CCZ1: variants seen among roughly 807,000 people sequenced by gnomAD.
CCZ1 encodes the protein vacuolar fusion protein CCZ1 homolog.
Under a neutral mutation model 57.8 loss-of-function variants are expected in CCZ1, and 19 were observed. The observed-to-expected ratio is 0.33, with a 90% CI of 0.23 to 0.48. The LOEUF is 0.48. Among genes scored for constraint, CCZ1 ranks in the 20% least tolerant of loss-of-function variants. The probability of loss-of-function intolerance (pLI) is 0.99; values close to 1 mark genes in which losing one functional copy is unlikely to be tolerated. For missense variants in CCZ1, 200 were observed against 492.0 expected, an observed-to-expected ratio of 0.41 and a Z score of 5.61; for synonymous variants, 81 against 167.0, an observed-to-expected ratio of 0.49 and a Z score of 3.97.
chr7:5,907,204 CACTGT>C, intron 7 of CCZ1, among the ~76,000 whole-genome samples: 1 of 149,760 alleles, frequency 6.7e-6, no homozygotes, highest in African/African-American at 2.5e-5. Context: ...GGCAACCTTA[CACTGT>C]ACTGACTCAG....
At chr7:5,909,708 A>AAG (rs1491036608) in intron 7 of CCZ1, among the ~76,000 whole-genome samples, 1 of 145,018 alleles carries the variant, frequency 6.9e-6, no homozygotes, top group African/African-American at 2.6e-5. Context: ...AAAAAAAAAA[A>AAG]GAAAAAAAAA....
At chr7:5,908,473 G>C (rs1583185247) in intron 7 of CCZ1, among the ~76,000 whole-genome samples, 1 of 148,330 alleles carries the variant, frequency 6.7e-6, no homozygotes, top group East Asian at 2.2e-4. Context: ...GCGCCTCCCA[G>C]GTTCAAGCGA....
chr7:5,903,818 C>T (rs1260860583), intron 6 of CCZ1, among the ~76,000 whole-genome samples: 1 of 146,782 alleles, frequency 6.8e-6, no homozygotes, highest in Non-Finnish European at 1.5e-5. Flanking sequence ...ATGGTGAAAC[C>T]TCATCTCTAC....
rs1375192946 is a variant in CCZ1 at position 5,925,835 on chromosome 7, A to T, written c.*148A>T. On this transcript the variant is annotated 3_prime_UTR_variant, in exon 15 of 15. Coordinates refer to ENST00000325974, the MANE Select transcript of CCZ1 (RefSeq NM_015622.6). ...AATCACATTTCGACTCGGTCTGCTG[A>T]TCTGAGGTTTTTAGATTTTAAATAT... The T allele has an allele frequency of 7.8e-7, 1 of 1,281,102 alleles. No homozygotes were observed. The highest frequency in any genetic ancestry group is 1.9e-5 in the Admixed American group (1 of 51,830). The allele number at this position is 1,281,102 out of a possible 1,614,324, so 79.4% of individuals were successfully genotyped here.
chr7:5,904,474 G>A (rs1182566559), intron 6 of CCZ1, among the ~76,000 whole-genome samples: 2 of 146,044 alleles, frequency 1.4e-5, no homozygotes, highest in African/African-American at 2.6e-5. Flanking sequence ...CGAGAATCAC[G>A]GAGGCCAGAA....
At chr7:5,905,064 A>G (rs1232456552) in intron 6 of CCZ1, 30 bp from the exon 7 acceptor site, 2 of 1,595,656 alleles carry the variant, frequency 1.3e-6, no homozygotes, top group South Asian at 1.1e-5. Context: ...TACTATTAGT[A>G]AATTTTATGC....
Position 5,906,710 on chromosome 7 carries a change from A to G in CCZ1, c.698+1441A>G, listed in dbSNP as rs1355821997. ...TAGAAAAGGCAAAACTAGTTCCCCT[A>G]AAATTTACCTTCCCTGCCAAAATCT... On this transcript the variant is annotated intron_variant, in intron 7 of 14. Transcript: ENST00000325974. 2.0e-5 allele frequency among the ~76,000 whole-genome samples: 3 copies of G among 149,840 alleles called. No homozygotes were observed. The East Asian group carries it at 6.5e-4, about 32-fold the overall frequency.
At position 5,925,647 on chromosome 7, in the gene CCZ1, T is replaced by C. The variant is rs1430220986; in HGVS notation, c.1409T>C (p.Leu470Pro). Residue 470 changes from leucine to proline, a missense_variant, in exon 15 of 15, where the codon CTT (leucine) becomes CCT (proline). Coordinates refer to ENST00000325974, the MANE Select transcript of CCZ1 (RefSeq NM_015622.6). The stretch of plus-strand genomic sequence containing the variant: ...CTTGTTGCAGAAGAGGTCAAGAAAC[T>C]TTGTGCAACGCAGTTCAACAACATC... The part of the protein sequence containing the change: ...LIEVNEEVKK[L>P]CATQFNNIFF... The C allele has an allele frequency of 6.2e-7, 1 of 1,608,872 alleles. No individual in the cohort carries two copies. Among genetic ancestry groups the C allele is most frequent in the Non-Finnish European group, 8.5e-7 (1 of 1,176,636 alleles).
At chr7:5,913,211 TCAAAC>T (rs1178622362) in intron 10 of CCZ1, among the ~76,000 whole-genome samples, 1 of 147,218 alleles carries the variant, frequency 6.8e-6, no homozygotes, top group African/African-American at 2.5e-5. Flanking sequence ...TCACGTGCTC[TCAAAC>T]CAAAGGCTGT....
chr7:5,902,691 G>T lies in CCZ1; in HGVS notation c.469G>T (p.Glu157Ter). ...TAATGGTACATTTCTGAAAGCCATG[G>T]AAGACGGAGGCGTCAAGCTTCTGAA... ...LFNGTFLKAM[E>*]DGGVKLLKER... Residue 157 changes from glutamate to a stop codon, truncating the protein, a stop_gained, in exon 6 of 15, where the codon GAA becomes TAA. Transcript: ENST00000325974. LOFTEE classifies it high-confidence loss of function. The T allele has an allele frequency of 6.3e-7, 1 of 1,591,252 alleles. No individual in the cohort carries two copies. Among genetic ancestry groups the T allele is most frequent in the Non-Finnish European group, 8.5e-7 (1 of 1,175,804 alleles).
Position 5,914,800 on chromosome 7 carries a change from C to T in CCZ1, c.954+1846C>T, listed in dbSNP as rs1222868082. Among the ~76,000 whole-genome samples the T allele has an allele frequency of 4.8e-5, 7 of 145,674 alleles. 1 individual carries two copies. The highest frequency in any genetic ancestry group is 7.4e-5 in the Non-Finnish European group (5 of 67,130). ...CTGAGGCAGGAGAATCACTTGTACC[C>T]GCGAGGCGGAGGTTGCAGTGAGCTG... On this transcript the variant is annotated intron_variant, in intron 10 of 14. Transcript: ENST00000325974.
chr7:5,901,715 C>T lies in CCZ1; in HGVS notation c.438+11C>T, dbSNP rs372413716. On this transcript the variant is annotated intron_variant, in intron 5 of 14. Coordinates refer to ENST00000325974, the MANE Select transcript of CCZ1 (RefSeq NM_015622.6). Reference sequence around the variant, plus strand: ...TACAGCATGTACAAGGTAAGCGTGGCGTTCTTTCTCAACTCAGAGTCCAGC... The same window carrying T: ...TACAGCATGTACAAGGTAAGCGTGGTGTTCTTTCTCAACTCAGAGTCCAGC... 101 of 1,597,938 alleles carry T rather than the reference C, an allele frequency of 6.3e-5. 5 individuals carry two copies. The South Asian group carries it at 1.0e-3, about 16-fold the overall frequency.
At position 5,900,357 on chromosome 7, in the gene CCZ1, G is replaced by A; in HGVS notation, c.194G>A (p.Cys65Tyr). The change falls in exon 2 of 15, where the codon TGT (cysteine) becomes TAT (tyrosine). Residue 65 changes from cysteine (C) to tyrosine (Y), a missense_variant. Transcript: ENST00000325974. Reference sequence around the variant, plus strand: ...GAGAAGATTAGAAATGTCGGATTGTGTGAAGCTATTGTACAGTTTACAAGG... The same window carrying A: ...GAGAAGATTAGAAATGTCGGATTGTATGAAGCTATTGTACAGTTTACAAGG... The part of the protein sequence containing the change: ...KNEKIRNVGL[C>Y]EAIVQFTRTF... 5 of 1,573,758 alleles carry A rather than the reference G, an allele frequency of 3.2e-6. No homozygotes were observed. Among genetic ancestry groups the A allele is most frequent in the South Asian group, 1.2e-5 (1 of 86,166 alleles).
chr7:5,898,741 C>A lies in CCZ1; in HGVS notation c.-59C>A, dbSNP rs1460733510. Reference sequence around the variant, plus strand: ...GGAGGCGGAAGTGCGGTGTTTTAGCCGGTGGCTGCTGTCTCTGGGCGGGCC... The same window carrying A: ...GGAGGCGGAAGTGCGGTGTTTTAGCAGGTGGCTGCTGTCTCTGGGCGGGCC... On this transcript the variant is annotated 5_prime_UTR_variant, in exon 1 of 15. Transcript: ENST00000325974. 3.0e-5 allele frequency: 11 copies of A among 364,598 alleles called. No individual in the cohort carries two copies. The highest frequency in any genetic ancestry group is 2.6e-4 in the African/African-American group (10 of 38,750). The allele number at this position is 364,598 out of a possible 1,614,324, so 22.6% of individuals were successfully genotyped here. A position where few individuals can be genotyped will look rare whatever the true frequency, so the allele number is the denominator to read the frequency against.
Position 5,911,971 on chromosome 7 carries a change from T to C in CCZ1, c.842+49T>C, listed in dbSNP as rs1433519183. On this transcript the variant is annotated intron_variant, in intron 9 of 14. Coordinates refer to ENST00000325974, the MANE Select transcript of CCZ1 (RefSeq NM_015622.6). The stretch of plus-strand genomic sequence containing the variant: ...ATGATACTGGGTTTTCTTTCTTTTT[T>C]GACTCAGAGTCTGGCTCTGTTACCC... 4.7e-6 allele frequency: 7 copies of C among 1,487,556 alleles called. No homozygotes were observed. In the East Asian group the frequency reaches 1.2e-4, roughly 26 times the overall value. 92.1% of individuals were successfully genotyped at this position (1,487,556 alleles called of 1,614,324 possible).
chr7:5,899,334 G>GGGGTGTGTGTGTGTGTGTGT (rs1781626415), intron 1 of CCZ1, among the ~76,000 whole-genome samples: 3 of 12,578 alleles, frequency 2.4e-4, no homozygotes, highest in Non-Finnish European at 5.6e-4. Context: ...TCGGGAGGGG[G>GGGGTGTGTGTGTGTGTGTGT]GTGTGTGTGT....
chr7:5,907,326 G>T (rs1407429194), intron 7 of CCZ1, among the ~76,000 whole-genome samples: 2 of 149,522 alleles, frequency 1.3e-5, no homozygotes, highest in Non-Finnish European at 2.9e-5. Context: ...CAGGTCTGCA[G>T]AGGGATGGCT....
rs1222178259 is a variant in CCZ1, at chr7:5,925,918, A to G, written c.*231A>G. 1 of 714,180 alleles carries G rather than the reference A, an allele frequency of 1.4e-6. No individual in the cohort carries two copies. Among genetic ancestry groups the G allele is most frequent in the South Asian group, 1.8e-5 (1 of 55,450 alleles). 44.2% of individuals were successfully genotyped at this position (714,180 alleles called of 1,614,324 possible). ...ATCGCTATCATTTCATTCTTTTGACATTATGTGAATATTTTACTGGAAAAT... is the reference window on the plus strand; with the variant it reads ...ATCGCTATCATTTCATTCTTTTGACGTTATGTGAATATTTTACTGGAAAAT... On this transcript the variant is annotated 3_prime_UTR_variant, in exon 15 of 15. Coordinates refer to ENST00000325974, the MANE Select transcript of CCZ1 (RefSeq NM_015622.6).
chr7:5,905,406 C>T (rs1270933964), intron 7 of CCZ1, 137 bp downstream of exon 7: 3 of 579,656 alleles, frequency 5.2e-6, no homozygotes, highest in South Asian at 2.1e-5. Context: ...TAGATATTGT[C>T]AAAATAAAGC....
Sources: gnomAD v4.1 joint callset for allele counts (sites outside exome capture counted in the v4.1 genomes callset) on GRCh38, gnomAD v4.1.1 for gene constraint, MANE v1.5 for transcripts, NCBI Gene and HGNC (gene_info 2026-07-23, HGNC 2026-07-21) for gene names.